Variants in CNTN5 observed in about 807,000 individuals in gnomAD.
The protein encoded by CNTN5 is contactin-5.
A neutral mutation model predicts 129.1 loss-of-function variants in CNTN5; 77 were observed. That is an observed-to-expected ratio of 0.60 (90% CI 0.50 to 0.72). The LOEUF (loss-of-function observed/expected upper bound fraction) is 0.72, where lower values mean the gene tolerates loss of function less well. Ranked by LOEUF, CNTN5 falls within the 30% of genes least tolerant of loss-of-function variation. The pLI is 0.00. For missense variants in CNTN5, 1,478 were observed against 1,328.8 expected, an observed-to-expected ratio of 1.11 and a Z score of -1.75; for synonymous variants, 509 against 465.6, an observed-to-expected ratio of 1.09 and a Z score of -1.20.
chr11:99,778,828 T>G (rs1230446708), intron 3 of CNTN5, among the ~76,000 whole-genome samples: 1 of 150,428 alleles, frequency 6.6e-6, no homozygotes, highest in South Asian at 2.1e-4. Flanking sequence ...TGAATTTAAT[T>G]GAAATTAATA....
chr11:99,880,446 GTGGT>G (rs1480491752), intron 6 of CNTN5, among the ~76,000 whole-genome samples: 2 of 151,732 alleles, frequency 1.3e-5, no homozygotes, highest in Non-Finnish European at 2.9e-5. Flanking sequence ...TTTTTCACTC[GTGGT>G]TAATGAAATA....
At chr11:99,959,516 C>A (rs1950887370) in intron 8 of CNTN5, among the ~76,000 whole-genome samples, 1 of 152,168 alleles carries the variant, frequency 6.6e-6, no homozygotes, top group African/African-American at 2.4e-5. Context: ...TATTGAGAAT[C>A]ATTCCCTCCA....
chr11:99,888,005 C>A (rs1948944004), intron 6 of CNTN5, among the ~76,000 whole-genome samples: 2 of 152,306 alleles, frequency 1.3e-5, no homozygotes, highest in African/African-American at 4.8e-5. Flanking sequence ...TCAGTATTAA[C>A]CATCACACCT....
At chr11:100,126,134 T>C (rs1489421543) in intron 13 of CNTN5, among the ~76,000 whole-genome samples, 1 of 152,170 alleles carries the variant, frequency 6.6e-6, no homozygotes, top group East Asian at 1.9e-4. Flanking sequence ...TTGGTATTGG[T>C]TTACAGTTGT....
chr11:99,530,656 T>C (rs959425637), intron 2 of CNTN5, among the ~76,000 whole-genome samples: 2 of 152,196 alleles, frequency 1.3e-5, no homozygotes, highest in Non-Finnish European at 2.9e-5. Flanking sequence ...TTCTCACATG[T>C]TGTGGGAAGG....
intron 16 of CNTN5, among the ~76,000 whole-genome samples, chr11:100,249,883 A>T (rs1949928961): frequency 6.6e-6 from 1 of 151,926 alleles, no homozygotes; most frequent in Non-Finnish European, 1.5e-5. Flanking sequence ...TCAGTATATG[A>T]TGTATAAAAA....
At chr11:99,577,150 G>T (rs1949382165) in intron 3 of CNTN5, among the ~76,000 whole-genome samples, 1 of 152,152 alleles carries the variant, frequency 6.6e-6, no homozygotes, top group South Asian at 2.1e-4. Context: ...GCTTAAGAGG[G>T]AGGTTGAAGG....
At chr11:99,264,139 C>G (rs1015857153) in intron 1 of CNTN5, among the ~76,000 whole-genome samples, 6 of 151,596 alleles carry the variant, frequency 4.0e-5, no homozygotes, top group African/African-American at 1.2e-4. Context: ...AACTCATGCT[C>G]ACAGGATACC....
At chr11:99,555,151 G>C (rs1055601445) in intron 2 of CNTN5, among the ~76,000 whole-genome samples, 19 of 151,860 alleles carry the variant, frequency 1.3e-4, no homozygotes, top group Admixed American at 5.9e-4. Context: ...GATCTAGCTA[G>C]GGGAAAAAAT....
At chr11:99,976,450 T>G (rs1408545684) in intron 8 of CNTN5, among the ~76,000 whole-genome samples, 7 of 152,182 alleles carry the variant, frequency 4.6e-5, no homozygotes. Context: ...AGATGTTCTA[T>G]GAGGTCTCCA....
intron 8 of CNTN5, among the ~76,000 whole-genome samples, chr11:99,971,947 A>G (rs1951269735): frequency 6.6e-6 from 1 of 150,406 alleles, no homozygotes; most frequent in Non-Finnish European, 1.5e-5. Context: ...ACAATGCTTA[A>G]GAAAAAAAAA....
At chr11:99,776,661 A>G (rs1021487274) in intron 3 of CNTN5, among the ~76,000 whole-genome samples, 11 of 151,746 alleles carry the variant, frequency 7.2e-5, no homozygotes, top group Admixed American at 2.0e-4. Context: ...TCAACTTTCA[A>G]TGGCCTAGTG....
chr11:99,260,901 C>T (rs1374614448), intron 1 of CNTN5, among the ~76,000 whole-genome samples: 3 of 151,878 alleles, frequency 2.0e-5, no homozygotes, highest in African/African-American at 7.2e-5. Flanking sequence ...TGGGAAATTC[C>T]AAACTCTTCG....
intron 3 of CNTN5, among the ~76,000 whole-genome samples, chr11:99,718,685 A>G (rs952453581): frequency 6.6e-6 from 1 of 152,186 alleles, no homozygotes; most frequent in African/African-American, 2.4e-5. Context: ...ATCAAATGCT[A>G]TAGTTAGCAA....
chr11:99,438,181 G>A (rs1042056783), intron 2 of CNTN5, among the ~76,000 whole-genome samples: 1 of 152,116 alleles, frequency 6.6e-6, no homozygotes, highest in African/African-American at 2.4e-5. Flanking sequence ...TTCTGATTGA[G>A]TCAATAAATA....
At chr11:100,032,246 C>T (rs183596435) in intron 9 of CNTN5, among the ~76,000 whole-genome samples, 17 of 152,206 alleles carry the variant, frequency 1.1e-4, no homozygotes, top group Admixed American at 7.9e-4. Context: ...ATTAGGTTAT[C>T]TGAGTGTTCT....
intron 21 of CNTN5, among the ~76,000 whole-genome samples, chr11:100,330,150 G>A (rs1951875370): frequency 6.6e-6 from 1 of 152,066 alleles, no homozygotes; most frequent in Non-Finnish European, 1.5e-5. Flanking sequence ...ACAACTTCTG[G>A]AAATCAAAGA....
intron 2 of CNTN5, among the ~76,000 whole-genome samples, chr11:99,429,210 T>TGTC (rs1555142934): frequency 2.0e-4 from 1 of 4,902 alleles, no homozygotes; most frequent in Admixed American, 8.5e-3. Context: ...GGGCTTAAAG[T>TGTC]TTTTTTTCTG....
chr11:99,836,388 C>T (rs199614283), intron 4 of CNTN5, among the ~76,000 whole-genome samples: 71 of 150,020 alleles, frequency 4.7e-4, no homozygotes, highest in East Asian at 3.6e-3. Context: ...TGAGAACATG[C>T]GGTGTTTGGT....
Sources: gnomAD v4.1 joint callset for allele counts (sites outside exome capture counted in the v4.1 genomes callset) on GRCh38, gnomAD v4.1.1 for gene constraint, MANE v1.5 for transcripts, NCBI Gene and HGNC (gene_info 2026-07-23, HGNC 2026-07-21) for gene names.